COMMD5: variants seen among roughly 807,000 people sequenced by gnomAD.
The protein encoded by COMMD5 is COMM domain containing 5, also known as COMM domain-containing protein 5.
In COMMD5, 10 loss-of-function variants were observed where a neutral mutation model predicts 6.9. The ratio of observed to expected loss-of-function variants is 1.44; its 90% CI spans 0.89 to 2.45. The LOEUF (loss-of-function observed/expected upper bound fraction) is 2.45, where lower values mean the gene tolerates loss of function less well. Among genes scored for constraint, COMMD5 ranks in the 30% most tolerant of loss-of-function variants. COMMD5 has a pLI of 0.00. For synonymous variants in COMMD5, 127 were observed against 125.3 expected, an observed-to-expected ratio of 1.01 and a Z score of -0.09; for missense variants, 234 against 287.8, an observed-to-expected ratio of 0.81 and a Z score of 1.35.
intron 1 of COMMD5, among the ~76,000 whole-genome samples, chr8:144,851,840 G>A (rs933340698): frequency 2.6e-5 from 4 of 152,156 alleles, no homozygotes; most frequent in African/African-American, 9.7e-5. Context: ...CTGACAGAGA[G>A]GGAGATAAGG....
intron 1 of COMMD5, chr8:144,842,318 A>G (rs1347976752): frequency 6.2e-7 from 1 of 1,614,052 alleles, no homozygotes; most frequent in Admixed American, 1.7e-5. Context: ...GTTGCACATC[A>G]GAGAATTCAC....
intron 1 of COMMD5, chr8:144,842,680 T>G (rs1459948670): frequency 6.2e-7 from 1 of 1,614,156 alleles, no homozygotes; most frequent in East Asian, 2.2e-5. Context: ...AGAGAAGCCC[T>G]ACGAATGCCT....
chr8:144,844,708 TCAAAAAAAAAAAAAA>T (rs1487734286), intron 1 of COMMD5, among the ~76,000 whole-genome samples: 1 of 43,100 alleles, frequency 2.3e-5, no homozygotes, highest in South Asian at 6.9e-4. Context: ...TGACTCTGTA[TCAAAAAAAAAAAAAA>T]AAAAAAAAAA....
At chr8:144,846,403 C>A (rs973338680), downstream of COMMD5, 5 of 524,112 alleles carry the variant, frequency 9.5e-6, no homozygotes, top group African/African-American at 7.6e-5. Context: ...ATGTTAAAAT[C>A]GAATTTGACT....
chr8:144,839,203 T>C (rs1015921959), downstream of COMMD5, among the ~76,000 whole-genome samples: 5 of 151,654 alleles, frequency 3.3e-5, no homozygotes, highest in Non-Finnish European at 7.4e-5. Flanking sequence ...TCCATTCATA[T>C]GCGCCTAGGG....
At chr8:144,840,525 G>A (rs570437822), downstream of COMMD5, among the ~76,000 whole-genome samples, 1 of 152,314 alleles carries the variant, frequency 6.6e-6, no homozygotes, top group South Asian at 2.1e-4. Context: ...CGTGTGTTGT[G>A]GTTGCATCCT....
At chr8:144,845,949 GGGGTT>G, downstream of COMMD5, 1 of 1,534,342 alleles carries the variant, frequency 6.5e-7, no homozygotes, top group Non-Finnish European at 8.7e-7. Flanking sequence ...GTCTAGCACA[GGGGTT>G]GCTGTTGCTT....
downstream of COMMD5, among the ~76,000 whole-genome samples, chr8:144,847,810 G>C (rs1423775595): frequency 6.6e-6 from 1 of 152,172 alleles, no homozygotes; most frequent in East Asian, 1.9e-4. Flanking sequence ...AGAAAACCAA[G>C]GGAGTAATTT....
downstream of COMMD5, chr8:144,850,117 C>G (rs1586861509): frequency 6.5e-6 from 1 of 154,256 alleles, no homozygotes; most frequent in African/African-American, 2.4e-5. The surrounding 1 kb of genome is among the most constrained non-coding windows in gnomAD (Gnocchi z 4.0). Context: ...GAAGGTCGCC[C>G]CATCAGCACG....
exon 2 of COMMD5, chr8:144,841,363 AT>A: frequency 1.2e-6 from 2 of 1,603,082 alleles, no homozygotes; most frequent in Non-Finnish European, 1.7e-6. Context: ...AGATTCTACG[AT>A]TAGGACTGAA....
At chr8:144,838,634 CAAAGTTGTGA>C (rs2130644430), downstream of COMMD5, 1 of 154,036 alleles carries the variant, frequency 6.5e-6, no homozygotes, top group East Asian at 1.9e-4. Context: ...TTGGACAGTC[CAAAGTTGTGA>C]AAAGTAGGGG....
chr8:144,842,181 G>A, intron 1 of COMMD5: 1 of 1,613,668 alleles, frequency 6.2e-7, no homozygotes, highest in Non-Finnish European at 8.5e-7. Context: ...CTCACACTGG[G>A]GAGAGGCCCT....
chr8:144,841,263 TG>T (rs1563839172), exon 2 of COMMD5: 2 of 1,331,622 alleles, frequency 1.5e-6, no homozygotes, highest in Non-Finnish European at 1.0e-6. Context: ...GCAACTATCC[TG>T]GGAGCCTTGA....
intron 1 of COMMD5, chr8:144,842,659 A>C: frequency 6.2e-7 from 1 of 1,614,212 alleles, no homozygotes; most frequent in South Asian, 1.1e-5. Flanking sequence ...CCATCAGAGA[A>C]TCCATAAAGG....
chr8:144,851,491 G>A (rs1830743448), intron 1 of COMMD5, 96 bp from the exon 2 acceptor site: 2 of 827,678 alleles, frequency 2.4e-6, no homozygotes, highest in Non-Finnish European at 3.7e-6. Context: ...CATGCTGACA[G>A]TGTGAACTAC....
chr8:144,851,202 C>A lies in COMMD5; in HGVS notation c.137G>T (p.Ser46Ile), dbSNP rs1164565277. 1.2e-6 allele frequency: 2 copies of A among 1,613,956 alleles called. No individual in the cohort carries two copies. The highest frequency in any genetic ancestry group is 2.2e-5 in the South Asian group (2 of 91,090). Residue 46 changes from serine to isoleucine, a missense_variant, in exon 2 of 2, where the codon AGC becomes ATC. Transcript: ENST00000305103. ...MARLLGDLDR[S>I]TFRKLLKFVV... ...AAACTTCAGCAACTTTCTGAACGTG[C>A]TCCTGTCTAGGTCCCCTAGTAGCCG...
At chr8:144,838,408 C>T (rs1449915522), downstream of COMMD5, 7 of 460,748 alleles carry the variant, frequency 1.5e-5, no homozygotes, top group Non-Finnish European at 2.7e-5. Flanking sequence ...GCATCAGCTC[C>T]TGCTGGGCAG....
rs547101397 is a variant in COMMD5, at chr8:144,843,154, A to C, written c.*117-1411T>G. On this transcript the variant is annotated intron_variant and NMD_transcript_variant, in intron 1 of 1. Coordinates refer to the COMMD5 transcript ENST00000530332. ...CTCAAGGCTTACCCAGCATCAAAAA[A>C]TTCACATGGGATAGACCACTTACAT... 1.3e-6 allele frequency: 2 copies of C among 1,590,312 alleles called. No individual in the cohort carries two copies. The highest frequency in any genetic ancestry group is 4.5e-5 in the East Asian group (2 of 44,744).
chr8:144,844,293 A>T (rs1395417385), intron 1 of COMMD5, among the ~76,000 whole-genome samples: 1 of 152,226 alleles, frequency 6.6e-6, no homozygotes, highest in African/African-American at 2.4e-5. Context: ...CCATGCCAGC[A>T]TCTCCAGCAC....
Sources: allele counts gnomAD v4.1 joint callset (sites outside exome capture counted in the v4.1 genomes callset), GRCh38; gene constraint gnomAD v4.1.1; non-coding constraint Gnocchi (gnomAD v3.1); transcripts MANE v1.5; gene names NCBI Gene and HGNC (gene_info 2026-07-23, HGNC 2026-07-21).